The following ABCB4 variants were observed in gnomAD, a reference collection of about 807,000 sequenced individuals.
ABCB4 encodes the protein phosphatidylcholine translocator ABCB4.
In ABCB4, 76 loss-of-function variants were observed where a neutral mutation model predicts 145.7. The ratio of observed to expected loss-of-function variants is 0.52; its 90% CI spans 0.43 to 0.63. ABCB4 has a LOEUF of 0.63. ABCB4 is among the 30% of genes least tolerant of loss of function. The pLI is 0.00. For synonymous variants in ABCB4, 517 were observed against 566.8 expected (o/e 0.91, Z 1.25); for missense variants, 1,234 against 1,553.1 (o/e 0.79, Z 3.45).
At chr7:87,382,286 A>T in the ABCB4 span, 5 of 1,413,838 alleles carry the variant, frequency 3.5e-6, no homozygotes, top group Non-Finnish European at 4.9e-6. Context: ...ACATTTTAAA[A>T]TTATGCCTTT....
At chr7:87,471,949 C>T (rs1315138901) in intron 3 of ABCB4, among the ~76,000 whole-genome samples, 3 of 152,104 alleles carry the variant, frequency 2.0e-5, no homozygotes, top group African/African-American at 7.2e-5. Flanking sequence ...GAAATGCAAG[C>T]TTATTTTAAG....
At chr7:87,396,292 A>ATTT in the ABCB4 span, among the ~76,000 whole-genome samples, 1 of 152,132 alleles carries the variant, frequency 6.6e-6, no homozygotes, top group Non-Finnish European at 1.5e-5. Flanking sequence ...TCACGCACTA[A>ATTT]TAGTCACCAC....
intron 14 of ABCB4, among the ~76,000 whole-genome samples, chr7:87,434,095 ATTTTTTTTTTTT>A (rs756063095): frequency 6.8e-5 from 8 of 118,066 alleles, no homozygotes; most frequent in Non-Finnish European, 1.3e-4. Flanking sequence ...CACCTGGCTA[ATTTTTTTTTTTT>A]TTTTTTTTTG....
intron 14 of ABCB4, among the ~76,000 whole-genome samples, chr7:87,438,741 C>T (rs755196629): frequency 3.3e-5 from 5 of 151,926 alleles, no homozygotes; most frequent in Admixed American, 1.3e-4. Flanking sequence ...AGAGCAAGAC[C>T]CTGTCTTAAA....
chr7:87,413,869 A>C, intron 21 of ABCB4, 152 bp from the exon 22 acceptor site: 2 of 650,880 alleles, frequency 3.1e-6, no homozygotes, highest in Admixed American at 5.0e-5. Context: ...TAATCTGTTC[A>C]AGACTAGCTT....
downstream of ABCB4, among the ~76,000 whole-genome samples, chr7:87,397,984 G>A (rs1290372390): frequency 6.6e-6 from 1 of 152,144 alleles, no homozygotes; most frequent in African/African-American, 2.4e-5. Flanking sequence ...TCACTTGCCA[G>A]ATCTGGGATT....
intron 27 of ABCB4, 51 bp from the exon 28 acceptor site, chr7:87,402,353 T>A: frequency 6.2e-7 from 1 of 1,601,416 alleles, no homozygotes; most frequent in Non-Finnish European, 8.5e-7. Context: ...ATAAATTAGT[T>A]TTAACATTCA....
In ABCB4 at chr7:87,401,851, T is replaced by C. The variant is rs1466914266; in HGVS notation, c.*245A>G. On this transcript the variant is annotated 3_prime_UTR_variant, in exon 28 of 28. Transcript: ENST00000649586. ...TACTTACCTTGAATTTTGTTCTTTT[T>C]CTGGATGTTTCTAATAACTTAGGGA... The C allele has an allele frequency of 3.1e-6, 2 of 648,356 alleles. No homozygotes were observed. The highest frequency in any genetic ancestry group is 5.6e-6 in the Non-Finnish European group (2 of 356,908). 40.2% of individuals were successfully genotyped at this position (648,356 alleles called of 1,614,324 possible). A position where few individuals can be genotyped will look rare whatever the true frequency, so the allele number is the denominator to read the frequency against.
intron 24 of ABCB4, 40 bp downstream of exon 24, chr7:87,409,196 G>C: frequency 6.2e-7 from 1 of 1,612,854 alleles, no homozygotes; most frequent in Non-Finnish European, 8.5e-7. Flanking sequence ...AAACCTTAGG[G>C]AAAAATTGAT....
At chr7:87,452,792 A>T in intron 6 of ABCB4, 152 bp downstream of exon 6, 1 of 885,106 alleles carries the variant, frequency 1.1e-6, no homozygotes, top group Non-Finnish European at 1.8e-6. Context: ...CATAGGCTAT[A>T]GATGCTGCTA....
At chr7:87,382,747 A>G in the ABCB4 span, among the ~76,000 whole-genome samples, 2 of 152,172 alleles carry the variant, frequency 1.3e-5, no homozygotes, top group Middle Eastern at 3.2e-3. Context: ...TTATCACAGT[A>G]TCCACTTGAT....
the ABCB4 span, among the ~76,000 whole-genome samples, chr7:87,394,003 C>A: frequency 7.5e-3 from 1,139 of 152,230 alleles, 15 homozygotes; most frequent in African/African-American, 0.025. Context: ...TCATCATTTA[C>A]TACCATAAAA....
chr7:87,427,561 G>T (rs1315165407), intron 15 of ABCB4, among the ~76,000 whole-genome samples: 2 of 152,144 alleles, frequency 1.3e-5, no homozygotes, highest in African/African-American at 4.8e-5. Flanking sequence ...AGCCCTGCTG[G>T]AGTTGGACTT....
At chr7:87,369,905 G>T in the ABCB4 span, among the ~76,000 whole-genome samples, 3 of 141,274 alleles carry the variant, frequency 2.1e-5, no homozygotes, top group Admixed American at 2.1e-4. Context: ...GTATATTACA[G>T]AAAATTTCAA....
chr7:87,448,481 G>T (rs1811492659), intron 8 of ABCB4, among the ~76,000 whole-genome samples: 2 of 152,336 alleles, frequency 1.3e-5, no homozygotes, highest in South Asian at 2.1e-4. Context: ...ATCTCTGGGG[G>T]TAGCCAGCAG....
rs774677501 is a variant in ABCB4, at chr7:87,440,354, T to G, written c.1405A>C (p.Arg469=). The G allele has an allele frequency of 6.2e-7, 1 of 1,614,048 alleles. No individual in the cohort carries two copies. Among genetic ancestry groups the G allele is most frequent in the Non-Finnish European group, 8.5e-7 (1 of 1,180,032 alleles). ...TGACTCACCACACCAATGATTTCCCTCAGATAGTTTACATTAAAGTTCCTA... is the reference window on the plus strand; with the variant it reads ...TGACTCACCACACCAATGATTTCCCGCAGATAGTTTACATTAAAGTTCCTA... The part of the protein sequence containing the change: ...DIRNFNVNYL[R]EIIGVVSQEP... The change falls in exon 13 of 28, where the codon AGG becomes CGG. Residue 469 remains arginine (R), a synonymous_variant. Coordinates refer to ENST00000649586, the MANE Select transcript of ABCB4 (RefSeq NM_000443.4).
chr7:87,408,187 AT>A lies in ABCB4; in HGVS notation c.3128del (p.Tyr1043PhefsTer13). The stretch of plus-strand genomic sequence containing the variant: ...GCACTGGCACGTTTGCTCGGGTGGG[AT>A]AGTTGAACACGACTTCATTAAATGT... ...NITFNEVVFN[Y>X]PTRANVPVLQ... On this transcript the variant is annotated frameshift_variant, in exon 25 of 28. Coordinates refer to ENST00000649586, the MANE Select transcript of ABCB4 (RefSeq NM_000443.4). LOFTEE classifies it high-confidence loss of function. 1 of 1,614,204 alleles carries A rather than the reference AT, an allele frequency of 6.2e-7. No homozygotes were observed. Among genetic ancestry groups the A allele is most frequent in the Non-Finnish European group, 8.5e-7 (1 of 1,180,020 alleles).
intron 2 of ABCB4, 107 bp downstream of exon 2, chr7:87,475,279 A>C (rs1813720373): frequency 7.5e-7 from 1 of 1,327,568 alleles, no homozygotes; most frequent in Admixed American, 1.7e-5. Context: ...CCTCCAAAAC[A>C]AAGGTCTTCA....
chr7:87,453,217 T>C, intron 5 of ABCB4, 82 bp from the exon 6 acceptor site: 1 of 1,396,068 alleles, frequency 7.2e-7, no homozygotes, highest in Non-Finnish European at 1.0e-6. Context: ...TGAGTCTCAC[T>C]CTGTCACCCA....
Sources: allele counts gnomAD v4.1 joint callset (sites outside exome capture counted in the v4.1 genomes callset), GRCh38; gene constraint gnomAD v4.1.1; transcripts MANE v1.5; gene names NCBI Gene and HGNC (gene_info 2026-07-23, HGNC 2026-07-21).